SPNS3: variants seen among roughly 807,000 people sequenced by gnomAD.
SPNS3 encodes the protein protein spinster homolog 3.
Under a neutral mutation model 54.4 loss-of-function variants are expected in SPNS3, and 51 were observed. The observed-to-expected ratio is 0.94, with a 90% confidence interval of 0.75 to 1.18. The LOEUF (loss-of-function observed/expected upper bound fraction) is 1.18, where lower values mean the gene tolerates loss of function less well. SPNS3 is among the 50% of genes most tolerant of loss of function. SPNS3 has a pLI of 0.00. For missense variants in SPNS3, 669 were observed against 677.4 expected (o/e 0.99, Z 0.14); for synonymous variants, 309 against 294.7 (o/e 1.05, Z -0.50).
chr17:4,456,459 G>A (rs1971316945), intron 8 of SPNS3, among the ~76,000 whole-genome samples: 2 of 152,190 alleles, frequency 1.3e-5, no homozygotes, highest in South Asian at 4.1e-4. Context: ...ATTCTCTTCT[G>A]CACGTGCTCT....
chr17:4,481,880 C>G (rs1247150796), intron 9 of SPNS3: 1 of 149,948 alleles, frequency 6.7e-6, no homozygotes, highest in Admixed American at 6.6e-5. Context: ...ACTGCTCTCT[C>G]TCTCTCTTTT....
rs759753496 is a variant in SPNS3 at position 4,433,974 on chromosome 17, G to A, written c.7G>A (p.Gly3Arg). The change falls in exon 1 of 12, where the codon GGG becomes AGG. Residue 3 changes from glycine to arginine, a missense_variant. Physicochemically the swap from Gly to Arg is moderately radical, Grantham distance 125 (BLOSUM62 -2). Transcript: ENST00000355530. MA[G>R]GMSAECPEPG... ...CCAAGAGCTGCAGGCTGGCATGGCTGGGGGGATGTCAGCGGAGTGCCCTGA... is the reference window on the plus strand; with the variant it reads ...CCAAGAGCTGCAGGCTGGCATGGCTAGGGGGATGTCAGCGGAGTGCCCTGA... 60 of 1,535,740 alleles carry A rather than the reference G, an allele frequency of 3.9e-5. No individual in the cohort carries two copies. In the East Asian group the frequency reaches 1.5e-3, roughly 37 times the overall value.
rs771355559 is a variant in SPNS3 at position 4,449,349 on chromosome 17, G to A, written c.885G>A (p.Gln295=). ...LLEARVVHGL[Q]PPCFQEPCSN... is the part of the protein sequence containing the mutation. Reference sequence around the variant, plus strand: ...AGGCACGCGTGGTTCACGGGCTGCAGCCTCCCTGCTTCCAGGAGCCGTGCA... The same window carrying A: ...AGGCACGCGTGGTTCACGGGCTGCAACCTCCCTGCTTCCAGGAGCCGTGCA... Residue 295 remains glutamine, a synonymous_variant, in exon 7 of 12, where the codon CAG becomes CAA. Transcript: ENST00000355530. 2 of 1,608,146 alleles carry A rather than the reference G, an allele frequency of 1.2e-6. No homozygotes were observed. The highest frequency in any genetic ancestry group is 1.7e-5 in the Admixed American group (1 of 59,428).
intron 8 of SPNS3, among the ~76,000 whole-genome samples, chr17:4,460,607 A>ATTT (rs60134022): frequency 8.2e-6 from 1 of 121,656 alleles, no homozygotes; most frequent in South Asian, 2.7e-4. Context: ...AATTTTTTGT[A>ATTT]TTTTTTTTTT....
In SPNS3 at chr17:4,438,689, C is replaced by A. The variant is rs1295742343; in HGVS notation, c.200-969C>A. Among the ~76,000 whole-genome samples, 4 of 152,220 alleles carry A rather than the reference C, an allele frequency of 2.6e-5. No homozygotes were observed. In the East Asian group the frequency reaches 5.8e-4, roughly 22 times the overall value. On this transcript the variant is annotated intron_variant, in intron 1 of 11. Coordinates refer to ENST00000355530, the MANE Select transcript of SPNS3 (RefSeq NM_182538.5). Reference sequence around the variant, plus strand: ...TATGTACATGTTCACCTATGCATTTCCAGTGTTTGTGCATGAGCGAGGCCA... The same window carrying A: ...TATGTACATGTTCACCTATGCATTTACAGTGTTTGTGCATGAGCGAGGCCA...
At chr17:4,473,510 C>T (rs1971911874) in intron 8 of SPNS3, among the ~76,000 whole-genome samples, 2 of 152,054 alleles carry the variant, frequency 1.3e-5, no homozygotes, top group South Asian at 4.2e-4. Flanking sequence ...GCTTTAGCCA[C>T]CCGAGTAGCT....
intron 8 of SPNS3, among the ~76,000 whole-genome samples, chr17:4,464,840 C>T (rs978162992): frequency 5.9e-5 from 9 of 152,016 alleles, no homozygotes; most frequent in East Asian, 1.9e-4. Context: ...CCACTATGCC[C>T]GGCTGACTTT....
At chr17:4,485,279 A>C (rs1043758263) in intron 9 of SPNS3, 3 of 152,144 alleles carry the variant, frequency 2.0e-5, no homozygotes, top group African/African-American at 4.8e-5. Flanking sequence ...TATTACCCCC[A>C]CTTGGGGATG....
chr17:4,440,449 G>A (rs938439719), intron 2 of SPNS3, among the ~76,000 whole-genome samples: 45 of 152,178 alleles, frequency 3.0e-4, no homozygotes, highest in Admixed American at 9.2e-4. Flanking sequence ...CTCTTAAACC[G>A]GGGTACAGGG....
At chr17:4,481,067 C>A (rs141919362) in intron 9 of SPNS3, among the ~76,000 whole-genome samples, 1 of 152,140 alleles carries the variant, frequency 6.6e-6, no homozygotes, top group Non-Finnish European at 1.5e-5. Flanking sequence ...GGAGGGGAAG[C>A]AGGACACCGA....
chr17:4,481,582 C>T (rs1972151633), intron 9 of SPNS3, among the ~76,000 whole-genome samples: 1 of 152,172 alleles, frequency 6.6e-6, no homozygotes, highest in Admixed American at 6.5e-5. Context: ...TGGTTGGAGC[C>T]TGTGGGTTAG....
At chr17:4,460,089 G>A (rs189244049) in intron 8 of SPNS3, among the ~76,000 whole-genome samples, 17 of 152,254 alleles carry the variant, frequency 1.1e-4, no homozygotes, top group Non-Finnish European at 7.4e-5. Context: ...AACTGTGAAG[G>A]CCCTGAGTCA....
intron 7 of SPNS3, among the ~76,000 whole-genome samples, chr17:4,450,865 C>T (rs553560867): frequency 6.6e-6 from 1 of 151,658 alleles, no homozygotes; most frequent in Admixed American, 6.6e-5. Context: ...GCCTCAGCCT[C>T]CCGAAGTGCT....
Position 4,468,031 on chromosome 17 carries a change from A to AGGGGACTTCACACT in SPNS3, c.1114-10531_1114-10530insCACTGGGGACTTCA, listed in dbSNP as rs537107512. Among the ~76,000 whole-genome samples the AGGGGACTTCACACT allele has an allele frequency of 2.0e-4, 30 of 152,362 alleles. No individual in the cohort carries two copies. The East Asian group carries it at 4.6e-3, about 24-fold the overall frequency. On this transcript the variant is annotated intron_variant, in intron 8 of 11. Transcript: ENST00000355530. Reference sequence around the variant, plus strand: ...AAGGCCACCCCCAGTTTACCATGGCAGGGGACTTCATACAAAGTGTGAATG... The same window carrying AGGGGACTTCACACT: ...AAGGCCACCCCCAGTTTACCATGGCAGGGGACTTCACACTGGGGACTTCATACAAAGTGTGAATG...
At chr17:4,435,450 A>T (rs1045327626) in intron 1 of SPNS3, among the ~76,000 whole-genome samples, 5 of 147,474 alleles carry the variant, frequency 3.4e-5, no homozygotes, top group African/African-American at 5.1e-5. Context: ...CAAAAAAAAA[A>T]AAATAAAAAA....
At chr17:4,479,304 G>A (rs1199511192) in intron 9 of SPNS3, among the ~76,000 whole-genome samples, 3 of 152,230 alleles carry the variant, frequency 2.0e-5, no homozygotes, top group African/African-American at 7.2e-5. Flanking sequence ...CTCTACTCTG[G>A]GGCGTGCAGA....
In SPNS3 at chr17:4,446,902, G is replaced by A. The variant is rs1449771812; in HGVS notation, c.561G>A (p.Leu187=). ...FYIFIPVGSG[L]GYVLGSAVTM... The stretch of plus-strand genomic sequence containing the variant: ...CCCTGCCCCTTTGTTGCAGTGGTCT[G>A]GGCTACGTGCTGGGGTCGGCTGTGA... Residue 187 remains leucine (L), a synonymous_variant, in exon 5 of 12, where the codon CTG becomes CTA. Coordinates refer to ENST00000355530, the MANE Select transcript of SPNS3 (RefSeq NM_182538.5). 6.2e-7 allele frequency: 1 copy of A among 1,614,064 alleles called. No homozygotes were observed. Among genetic ancestry groups the A allele is most frequent in the Non-Finnish European group, 8.5e-7 (1 of 1,179,988 alleles).
chr17:4,435,252 G>A (rs1011268222), intron 1 of SPNS3, among the ~76,000 whole-genome samples: 3 of 151,824 alleles, frequency 2.0e-5, no homozygotes, highest in East Asian at 2.0e-4. Context: ...GTGAAACCCC[G>A]TCTCTACTAA....
At chr17:4,475,630 C>T (rs1193588619) in intron 8 of SPNS3, among the ~76,000 whole-genome samples, 1 of 152,140 alleles carries the variant, frequency 6.6e-6, no homozygotes, top group Non-Finnish European at 1.5e-5. Flanking sequence ...TCCTGGCTGG[C>T]TCAGCCACAC....
Sources: allele counts gnomAD v4.1 joint callset (sites outside exome capture counted in the v4.1 genomes callset), GRCh38; gene constraint gnomAD v4.1.1; transcripts MANE v1.5; gene names NCBI Gene and HGNC (gene_info 2026-07-23, HGNC 2026-07-21).